PTPN12: variants seen among roughly 807,000 people sequenced by gnomAD.
The protein encoded by PTPN12 is protein tyrosine phosphatase non-receptor type 12, also known as tyrosine-protein phosphatase non-receptor type 12.
Under a neutral mutation model 97.6 loss-of-function variants are expected in PTPN12, and 29 were observed. The observed-to-expected ratio is 0.30, with a 90% confidence interval of 0.22 to 0.41. The LOEUF (loss-of-function observed/expected upper bound fraction) is 0.41. Ranked by LOEUF, PTPN12 falls within the 10% of genes least tolerant of loss-of-function variation. The probability of loss-of-function intolerance (pLI) is 1.00; values close to 1 mark genes in which losing one functional copy is unlikely to be tolerated. For missense variants in PTPN12, 819 were observed against 926.0 expected, an observed-to-expected ratio of 0.88 and a Z score of 1.50; for synonymous variants, 327 against 300.4, an observed-to-expected ratio of 1.09 and a Z score of -0.91.
intron 11 of PTPN12, among the ~76,000 whole-genome samples, chr7:77,613,655 G>T (rs1042752614): frequency 6.6e-6 from 1 of 151,936 alleles, no homozygotes; most frequent in African/African-American, 2.4e-5. Context: ...AAGAGTTGAA[G>T]ACCAGCCTGG....
chr7:77,575,971 C>T (rs1787328592), intron 2 of PTPN12, among the ~76,000 whole-genome samples: 1 of 152,144 alleles, frequency 6.6e-6, no homozygotes, highest in Non-Finnish European at 1.5e-5. Context: ...CCTGTCTCAG[C>T]CTCCTGAGTA....
chr7:77,541,275 A>G (rs751398984), intron 1 of PTPN12, among the ~76,000 whole-genome samples: 30 of 152,174 alleles, frequency 2.0e-4, no homozygotes, highest in Non-Finnish European at 2.9e-4. Flanking sequence ...TATTTTTTGT[A>G]GAGACAGGGT....
chr7:77,600,537 T>C (rs1788157967), intron 7 of PTPN12, 127 bp from the exon 8 acceptor site: 2 of 693,988 alleles, frequency 2.9e-6, no homozygotes, highest in Middle Eastern at 4.0e-4. Context: ...TATTATTTAT[T>C]TGGGTTTTTT....
chr7:77,619,600 C>G (rs1427465759), intron 12 of PTPN12, among the ~76,000 whole-genome samples: 1 of 152,184 alleles, frequency 6.6e-6, no homozygotes, highest in Non-Finnish European at 1.5e-5. Context: ...ATAAATAGGT[C>G]CCATTCCAAA....
chr7:77,631,767 T>A (rs73370383), intron 13 of PTPN12, among the ~76,000 whole-genome samples: 1,615 of 152,362 alleles, frequency 0.011, 35 homozygotes, highest in African/African-American at 0.035. Context: ...GAAGATTTTT[T>A]AAAAAACTTT....
At chr7:77,573,005 C>G (rs1176610968) in intron 2 of PTPN12, among the ~76,000 whole-genome samples, 2 of 145,858 alleles carry the variant, frequency 1.4e-5, no homozygotes, top group Non-Finnish European at 3.0e-5. Flanking sequence ...ATTGCCTGAA[C>G]CCAGGAGGTG....
chr7:77,562,170 C>T (rs1808029958), intron 1 of PTPN12, among the ~76,000 whole-genome samples: 1 of 152,182 alleles, frequency 6.6e-6, no homozygotes, highest in African/African-American at 2.4e-5. Context: ...TCTCCTGCCC[C>T]AGCCTCCCGA....
At chr7:77,580,152 TAC>T (rs1787468760) in intron 2 of PTPN12, among the ~76,000 whole-genome samples, 1 of 152,202 alleles carries the variant, frequency 6.6e-6, no homozygotes, top group Non-Finnish European at 1.5e-5. Context: ...AATTCTCTGT[TAC>T]ACTAAAAAGA....
At chr7:77,558,558 A>G (rs999302468) in intron 1 of PTPN12, among the ~76,000 whole-genome samples, 10 of 152,178 alleles carry the variant, frequency 6.6e-5, no homozygotes, top group African/African-American at 1.7e-4. Flanking sequence ...TGGCTTTTTC[A>G]TTTTATACCT....
chr7:77,599,040 TGA>T (rs1243792394), intron 7 of PTPN12, among the ~76,000 whole-genome samples: 2 of 151,290 alleles, frequency 1.3e-5, no homozygotes, highest in Admixed American at 6.6e-5. Flanking sequence ...GAAGATGAAA[TGA>T]GAGTGTAATA....
Position 77,592,226 on chromosome 7 carries a change from CA to C in PTPN12, c.463del (p.Ile155Ter). 1 of 1,605,944 alleles carries C rather than the reference CA, an allele frequency of 6.2e-7. No individual in the cohort carries two copies. Among genetic ancestry groups the C allele is most frequent in the Non-Finnish European group, 8.5e-7 (1 of 1,177,984 alleles). Reference sequence around the variant, plus strand: ...ATTGGCCTTTGTATGGAGAAGACCCCATAACGTTTGCACCATTTAAAATTTC... The same window carrying C: ...ATTGGCCTTTGTATGGAGAAGACCCCTAACGTTTGCACCATTTAAAATTTC... ...RYWPLYGEDPITFAPFKISCE... is the reference protein window; with the variant it reads ...RYWPLYGEDPXTFAPFKISCE... On this transcript the variant is annotated frameshift_variant, in exon 6 of 18. Coordinates refer to ENST00000248594, the MANE Select transcript of PTPN12 (RefSeq NM_002835.4). LOFTEE classifies it high-confidence loss of function.
chr7:77,537,982 G>GGC (rs1554306815), intron 1 of PTPN12: 2 of 985,442 alleles, frequency 2.0e-6, no homozygotes, highest in African/African-American at 3.5e-5. Flanking sequence ...GCAGGCCGGG[G>GGC]GGGGGGGCTC....
At chr7:77,625,456 A>G (rs1217294195) in intron 12 of PTPN12, among the ~76,000 whole-genome samples, 1 of 78,496 alleles carries the variant, frequency 1.3e-5, no homozygotes, top group Admixed American at 1.4e-4. Context: ...GTTTTGCCAT[A>G]TTGCCCAGGC....
chr7:77,571,086 A>G lies in PTPN12; in HGVS notation c.108A>G (p.Arg36=). 6.4e-7 allele frequency: 1 copy of G among 1,565,344 alleles called. No individual in the cohort carries two copies. Among genetic ancestry groups the G allele is most frequent in the Non-Finnish European group, 8.6e-7 (1 of 1,156,962 alleles). ...ATTTGTTGTATTTTAAGCGGTTAAGAAGATTGTCTACCAAATATAGAACAG... is the reference window on the plus strand; with the variant it reads ...ATTTGTTGTATTTTAAGCGGTTAAGGAGATTGTCTACCAAATATAGAACAG... ...DNFARDFMRL[R]RLSTKYRTEK... Residue 36 remains arginine, a synonymous_variant, in exon 2 of 18, where the codon AGA becomes AGG. Coordinates refer to ENST00000248594, the MANE Select transcript of PTPN12 (RefSeq NM_002835.4).
intron 12 of PTPN12, among the ~76,000 whole-genome samples, chr7:77,620,791 T>C (rs1488464729): frequency 6.6e-6 from 1 of 151,864 alleles, no homozygotes; most frequent in Non-Finnish European, 1.5e-5. Flanking sequence ...CTACTAAAAA[T>C]AGAAAAATTA....
chr7:77,562,173 C>T (rs1808030273), intron 1 of PTPN12, among the ~76,000 whole-genome samples: 1 of 152,164 alleles, frequency 6.6e-6, no homozygotes, highest in African/African-American at 2.4e-5. Context: ...CCTGCCCCAG[C>T]CTCCCGAGTA....
intron 12 of PTPN12, among the ~76,000 whole-genome samples, chr7:77,624,004 T>TA (rs1411878835): frequency 6.6e-6 from 1 of 152,196 alleles, no homozygotes; most frequent in African/African-American, 2.4e-5. Flanking sequence ...CTCACACCTG[T>TA]AATCCCAGCT....
intron 1 of PTPN12, among the ~76,000 whole-genome samples, chr7:77,569,499 C>T (rs1434898510): frequency 1.3e-5 from 2 of 152,078 alleles, no homozygotes; most frequent in South Asian, 4.1e-4. Context: ...TGGTTGGGCG[C>T]GTGGCTCACA....
chr7:77,595,606 A>G (rs1286840427), intron 6 of PTPN12, among the ~76,000 whole-genome samples: 23 of 152,218 alleles, frequency 1.5e-4, no homozygotes, highest in Non-Finnish European at 1.3e-4. Context: ...GTCTATCACA[A>G]TAGCAAAGTT....
Sources: gnomAD v4.1 joint callset for allele counts (sites outside exome capture counted in the v4.1 genomes callset) on GRCh38, gnomAD v4.1.1 for gene constraint, MANE v1.5 for transcripts, NCBI Gene and HGNC (gene_info 2026-07-23, HGNC 2026-07-21) for gene names.